Variants in PCNX1 observed in about 807,000 individuals in gnomAD.
The protein encoded by PCNX1 is pecanex-like protein 1.
A neutral mutation model predicts 242.2 loss-of-function variants in PCNX1; 78 were observed. The observed-to-expected ratio is 0.32, with a 90% CI of 0.27 to 0.39. The LOEUF is 0.39. Ranked by LOEUF, PCNX1 falls within the 10% of genes least tolerant of loss-of-function variation. PCNX1 has a pLI of 1.00. For missense variants in PCNX1, 2,581 were observed against 2,856.5 expected, an observed-to-expected ratio of 0.90 and a Z score of 2.20; for synonymous variants, 1,024 against 1,032.9, an observed-to-expected ratio of 0.99 and a Z score of 0.17.
rs1316956718 is a variant in PCNX1, at chr14:71,111,886, A to G, written c.*1951A>G. ...TTCTAAATTGACCATTTAAAAATGT[A>G]TTTTTGTGATACCGTCATTATGTTC... is the stretch of plus-strand genomic sequence containing the variant. On this transcript the variant is annotated 3_prime_UTR_variant, in exon 36 of 36. Coordinates refer to ENST00000304743, the MANE Select transcript of PCNX1 (RefSeq NM_014982.3). 2 of 152,590 alleles carry G rather than the reference A, an allele frequency of 1.3e-5. No homozygotes were observed. The highest frequency in any genetic ancestry group is 2.1e-4 in the South Asian group (1 of 4,830). The allele number at this position is 152,590 out of a possible 1,614,324, so 9.5% of individuals were successfully genotyped here.
intron 16 of PCNX1, among the ~76,000 whole-genome samples, chr14:71,032,540 G>A (rs1198649638): frequency 6.6e-6 from 1 of 152,178 alleles, no homozygotes; most frequent in African/African-American, 2.4e-5. Flanking sequence ...AGGTTTTGAT[G>A]TAGCTATTAA....
chr14:71,045,238 C>G lies in PCNX1; in HGVS notation c.3973C>G (p.His1325Asp). ...ACAGCTACCATGGCACTGTTTCTCT[C>G]ATCCTCTGCTAAAGACACTAGAGTA... ...RKQLPWHCFS[H>D]PLLKTLEYNQ... Residue 1325 changes from histidine to aspartate, a missense_variant, in exon 20 of 36, where the codon CAT becomes GAT. His to Asp is a moderately conservative substitution (Grantham distance 81). Coordinates refer to ENST00000304743, the MANE Select transcript of PCNX1 (RefSeq NM_014982.3). 1 of 1,613,238 alleles carries G rather than the reference C, an allele frequency of 6.2e-7. No individual in the cohort carries two copies. Among genetic ancestry groups the G allele is most frequent in the Non-Finnish European group, 8.5e-7 (1 of 1,179,270 alleles).
intron 22 of PCNX1, 97 bp downstream of exon 22, chr14:71,048,081 ATTG>A: frequency 1.2e-6 from 1 of 807,336 alleles, no homozygotes; most frequent in East Asian, 2.6e-5. Context: ...GTGATTTATT[ATTG>A]TTTAAGTAAT....
At chr14:70,955,493 A>G (rs976030461) in intron 2 of PCNX1, among the ~76,000 whole-genome samples, 13 of 152,218 alleles carry the variant, frequency 8.5e-5, no homozygotes, top group Admixed American at 2.0e-4. Flanking sequence ...ATAATCAACA[A>G]ATTAGTTTGT....
intron 28 of PCNX1, among the ~76,000 whole-genome samples, chr14:71,083,896 C>T (rs886685412): frequency 2.6e-5 from 4 of 152,038 alleles, no homozygotes; most frequent in Non-Finnish European, 5.9e-5. Flanking sequence ...CCCTTGCTGG[C>T]GAGGAGTTGT....
chr14:71,058,511 T>A lies in PCNX1; in HGVS notation c.4852+787T>A, dbSNP rs972828422. ...ATATCTTTCCAGTCTAGGAAACATTTTGACTTGAGTTTTCAGAGAGTTTTT... is the reference window on the plus strand; with the variant it reads ...ATATCTTTCCAGTCTAGGAAACATTATGACTTGAGTTTTCAGAGAGTTTTT... On this transcript the variant is annotated intron_variant, in intron 26 of 35. Transcript: ENST00000304743. 3.3e-5 allele frequency among the ~76,000 whole-genome samples: 5 copies of A among 152,222 alleles called. No individual in the cohort carries two copies. The South Asian group carries it at 6.2e-4, about 19-fold the overall frequency.
At chr14:70,990,779 C>T (rs1376172491) in intron 7 of PCNX1, among the ~76,000 whole-genome samples, 2 of 152,118 alleles carry the variant, frequency 1.3e-5, no homozygotes, top group Non-Finnish European at 2.9e-5. Context: ...TTCTACTTTG[C>T]CTTTTCCTGC....
chr14:71,087,742 A>G lies in PCNX1; in HGVS notation c.5338-588A>G, dbSNP rs144342888. 8.9e-3 allele frequency among the ~76,000 whole-genome samples: 1,357 copies of G among 152,306 alleles called. 9 individuals are homozygous for G. Among genetic ancestry groups the G allele is most frequent in the South Asian group, 0.017 (82 of 4,828 alleles). On this transcript the variant is annotated intron_variant, in intron 28 of 35. Transcript: ENST00000304743. ...ATTTTCTTTAGTATTATATAAGGTA[A>G]TCAGTGATTATTATTTGGGCTTTCT...
At chr14:71,065,565 A>G (rs1390223402) in intron 26 of PCNX1, among the ~76,000 whole-genome samples, 1 of 152,158 alleles carries the variant, frequency 6.6e-6, no homozygotes, top group Non-Finnish European at 1.5e-5. Flanking sequence ...CTCATTCTGT[A>G]GGTTGCCTGC....
At chr14:70,929,312 T>C (rs2056704664) in intron 1 of PCNX1, among the ~76,000 whole-genome samples, 1 of 152,118 alleles carries the variant, frequency 6.6e-6, no homozygotes, top group African/African-American at 2.4e-5. Context: ...TATGACTATA[T>C]ATATTTGATT....
chr14:71,018,688 G>T (rs1595260302), intron 11 of PCNX1, among the ~76,000 whole-genome samples: 1 of 152,104 alleles, frequency 6.6e-6, no homozygotes, highest in East Asian at 1.9e-4. Context: ...ATCCAAGTTG[G>T]TTAACTATTT....
At chr14:70,958,089 A>C (rs940931959) in intron 2 of PCNX1, among the ~76,000 whole-genome samples, 4 of 152,226 alleles carry the variant, frequency 2.6e-5, no homozygotes, top group Non-Finnish European at 5.9e-5. Flanking sequence ...TCTGTCCTAC[A>C]TAGCTTATAT....
At chr14:71,019,485 G>A (rs1271621013) in intron 12 of PCNX1, among the ~76,000 whole-genome samples, 2 of 152,086 alleles carry the variant, frequency 1.3e-5, no homozygotes, top group Admixed American at 6.6e-5. Context: ...CACTGCAACC[G>A]TCGCCTCCCA....
At chr14:71,107,193 G>T (rs1010877467) in intron 33 of PCNX1, among the ~76,000 whole-genome samples, 1 of 151,928 alleles carries the variant, frequency 6.6e-6, no homozygotes, top group Non-Finnish European at 1.5e-5. Flanking sequence ...ACTGCTTCAC[G>T]TGAATCAAAT....
chr14:70,932,436 A>G (rs2056837689), intron 1 of PCNX1, among the ~76,000 whole-genome samples: 1 of 152,026 alleles, frequency 6.6e-6, no homozygotes, highest in Non-Finnish European at 1.5e-5. Context: ...CAATTAATCT[A>G]CCTTTTTAGA....
intron 26 of PCNX1, among the ~76,000 whole-genome samples, chr14:71,066,820 G>T (rs761546406): frequency 6.6e-6 from 1 of 151,848 alleles, no homozygotes; most frequent in South Asian, 2.1e-4. Flanking sequence ...TAGCATGAAG[G>T]GCTGTTGAAT....
chr14:71,091,945 T>A (rs2062145066), intron 30 of PCNX1, among the ~76,000 whole-genome samples: 1 of 152,212 alleles, frequency 6.6e-6, no homozygotes, highest in Non-Finnish European at 1.5e-5. Context: ...TGTATTTCAA[T>A]AAAAAGTGAT....
At chr14:71,073,475 T>C (rs2061636720) in intron 26 of PCNX1, 70 bp from the exon 27 acceptor site, 5 of 1,391,266 alleles carry the variant, frequency 3.6e-6, no homozygotes, top group South Asian at 2.7e-5. Flanking sequence ...CTAAATCTTA[T>C]GTGTCCTTGC....
At chr14:70,908,904 A>T (rs549049108) in intron 1 of PCNX1, among the ~76,000 whole-genome samples, 1 of 152,336 alleles carries the variant, frequency 6.6e-6, no homozygotes, top group African/African-American at 2.4e-5. Flanking sequence ...TCTAAAGCAC[A>T]GGTTAGGGTG....
Sources: allele counts gnomAD v4.1 joint callset (sites outside exome capture counted in the v4.1 genomes callset), GRCh38; gene constraint gnomAD v4.1.1; transcripts MANE v1.5; gene names NCBI Gene and HGNC (gene_info 2026-07-23, HGNC 2026-07-21).